The following NAV1 variants were observed in gnomAD, a reference collection of about 807,000 sequenced individuals.
NAV1 encodes the protein pore membrane and/or filament interacting like protein 3.
Under a neutral mutation model 175.2 loss-of-function variants are expected in NAV1, and 18 were observed. That is an observed-to-expected ratio of 0.10 (90% CI 0.07 to 0.15). The LOEUF is 0.15. Ranked by LOEUF, NAV1 falls within the 10% of genes least tolerant of loss-of-function variation. The pLI is 1.00. For synonymous variants in NAV1, 897 were observed against 978.7 expected (o/e 0.92, Z 1.56); for missense variants, 1,731 against 2,436.6 (o/e 0.71, Z 6.10).
chr1:201,742,775 C>A (rs1251282582), intron 3 of NAV1, among the ~76,000 whole-genome samples: 7 of 152,078 alleles, frequency 4.6e-5, no homozygotes, highest in Admixed American at 4.6e-4. Context: ...CTAGGGACAG[C>A]CAAGCCAATG....
At position 201,718,545 on chromosome 1, in the gene NAV1, C is replaced by T. The variant is rs780189061; in HGVS notation, c.1016C>T (p.Ser339Leu). The T allele has an allele frequency of 1.5e-5, 25 of 1,613,008 alleles. No individual in the cohort carries two copies. The highest frequency in any genetic ancestry group is 1.7e-4 in the Middle Eastern group (1 of 6,032). ...CCCTCTGTGGGTGGGAGCTGCCGCT[C>T]GGAGGGGACGCCCGCCTGGTACATG... Residue 339 changes from serine to leucine, a missense_variant, in exon 3 of 30, where the codon TCG (serine) becomes TTG (leucine). By Grantham distance (145) the Ser-to-Leu change is moderately radical. Transcript: ENST00000367296. The surrounding 1 kb of genome is among the most constrained non-coding windows in gnomAD (Gnocchi z 4.8).
chr1:201,771,603 A>G (rs1191438737), intron 3 of NAV1, among the ~76,000 whole-genome samples: 1 of 152,100 alleles, frequency 6.6e-6, no homozygotes, highest in African/African-American at 2.4e-5. Flanking sequence ...CTAGCAGCCT[A>G]ACAGCGGAAG....
chr1:201,798,637 T>G (rs554801200), intron 15 of NAV1: 3 of 146,098 alleles, frequency 2.1e-5, no homozygotes, highest in African/African-American at 7.5e-5. Context: ...AAGAAATCAT[T>G]CCAATTTGAA....
intron 1 of NAV1, among the ~76,000 whole-genome samples, chr1:201,663,610 T>C (rs900403594): frequency 4.6e-5 from 7 of 152,200 alleles, no homozygotes; most frequent in African/African-American, 1.4e-4. Flanking sequence ...TCTGCCTCAG[T>C]GGCCTGTTAT....
intron 3 of NAV1, among the ~76,000 whole-genome samples, chr1:201,755,170 C>T (rs1231348633): frequency 6.6e-6 from 1 of 152,218 alleles, no homozygotes; most frequent in Non-Finnish European, 1.5e-5. Flanking sequence ...AACAAATACT[C>T]TCTTATCTCT....
rs1354143991 is a variant in NAV1, at chr1:201,812,751, G to A, written c.5221+90G>A. 2 of 1,223,880 alleles carry A rather than the reference G, an allele frequency of 1.6e-6. No individual in the cohort carries two copies. Among genetic ancestry groups the A allele is most frequent in the Non-Finnish European group, 2.3e-6 (2 of 853,024 alleles). 75.8% of individuals were successfully genotyped at this position (1,223,880 alleles called of 1,614,324 possible). A position where few individuals can be genotyped will look rare whatever the true frequency, so the allele number is the denominator to read the frequency against. On this transcript the variant is annotated intron_variant, in intron 27 of 29. Coordinates refer to ENST00000367296, the Ensembl canonical transcript of NAV1. The surrounding 1 kb of genome is among the most constrained non-coding windows in gnomAD (Gnocchi z 4.6). ...AGGGATGCTCCCTTCTCTTCCTGGA[G>A]TCTTCGGCATGTAAAGGAGCTGCAA...
At chr1:201,730,829 T>C (rs1672825801) in intron 3 of NAV1, among the ~76,000 whole-genome samples, 1 of 152,190 alleles carries the variant, frequency 6.6e-6, no homozygotes, top group Non-Finnish European at 1.5e-5. Flanking sequence ...GGGCCAGCTC[T>C]GGCCTCTGGG....
At chr1:201,598,258 C>T (rs1005791088) in intron 2 of NAV1, among the ~76,000 whole-genome samples, 1 of 152,092 alleles carries the variant, frequency 6.6e-6, no homozygotes, top group Non-Finnish European at 1.5e-5. Context: ...CTTGAAACCT[C>T]GTGGTGTGTG....
At chr1:201,703,529 C>T (rs1671534455) in intron 1 of NAV1, among the ~76,000 whole-genome samples, 2 of 146,328 alleles carry the variant, frequency 1.4e-5, no homozygotes, top group Non-Finnish European at 2.9e-5. Context: ...GGCTCGAGGC[C>T]AGGCACCCTC....
Position 201,728,628 on chromosome 1 carries a change from A to G in NAV1, c.1226+9873A>G, listed in dbSNP as rs183549478. The stretch of plus-strand genomic sequence containing the variant: ...AAAAAAAAAAAAAGAAAAGAAAAGA[A>G]AAAAAAGACATCTGTAGAGACAGAG... On this transcript the variant is annotated intron_variant, in intron 3 of 29. Coordinates refer to ENST00000367296, the Ensembl canonical transcript of NAV1. 4.4e-3 allele frequency among the ~76,000 whole-genome samples: 673 copies of G among 151,812 alleles called. 6 individuals carry two copies. Among genetic ancestry groups the G allele is most frequent in the Non-Finnish European group, 3.0e-3 (201 of 67,904 alleles).
intron 15 of NAV1, among the ~76,000 whole-genome samples, chr1:201,802,246 A>T (rs1244956717): frequency 2.1e-5 from 3 of 139,654 alleles, no homozygotes; most frequent in African/African-American, 7.8e-5. Flanking sequence ...CGGAGGTTGC[A>T]GTGAGCCAAG....
At chr1:201,544,837 C>T (rs907004420) in intron 1 of NAV1, among the ~76,000 whole-genome samples, 1 of 152,200 alleles carries the variant, frequency 6.6e-6, no homozygotes, top group Admixed American at 6.5e-5. Flanking sequence ...AGCAGCCCCA[C>T]TTCCTTCAGA....
chr1:201,752,790 G>T (rs1674203889), intron 3 of NAV1, among the ~76,000 whole-genome samples: 1 of 152,174 alleles, frequency 6.6e-6, no homozygotes, highest in Non-Finnish European at 1.5e-5. Flanking sequence ...CAGAATATTT[G>T]TCTGCCAATT....
At chr1:201,623,052 C>G (rs1050845450) in exon 1 of NAV1, 8 of 985,850 alleles carry the variant, frequency 8.1e-6, no homozygotes, top group Middle Eastern at 5.2e-4. Flanking sequence ...CAGCCTCCCC[C>G]AGACTGGGAA....
intron 7 of NAV1, 59 bp downstream of exon 11, chr1:201,783,911 A>G (rs1439707048): frequency 2.0e-6 from 3 of 1,474,552 alleles, no homozygotes; most frequent in Admixed American, 2.0e-5. Context: ...TCATTTTGCC[A>G]TTGGCAATAC....
chr1:201,741,275 G>A (rs969809657), intron 3 of NAV1, among the ~76,000 whole-genome samples: 2 of 152,142 alleles, frequency 1.3e-5, no homozygotes, highest in Non-Finnish European at 2.9e-5. Context: ...CCAGAGGCCC[G>A]CTGACTCCAA....
In NAV1 at chr1:201,810,762, G is replaced by T. The variant is rs1371060099; in HGVS notation, c.4797+4G>T. On this transcript the variant is annotated splice_donor_region_variant and intron_variant, in intron 24 of 29. Transcript: ENST00000367296. The surrounding 1 kb of genome is among the most constrained non-coding windows in gnomAD (Gnocchi z 6.0). ...CATGCACCAGCAGTCTTGCAAGGTGGCTGCCCCCCGACACCCCTGCCAGCC... is the reference window on the plus strand; with the variant it reads ...CATGCACCAGCAGTCTTGCAAGGTGTCTGCCCCCCGACACCCCTGCCAGCC... 1 of 1,610,032 alleles carries T rather than the reference G, an allele frequency of 6.2e-7. No homozygotes were observed. Among genetic ancestry groups the T allele is most frequent in the Admixed American group, 1.7e-5 (1 of 59,866 alleles).
intron 2 of NAV1, among the ~76,000 whole-genome samples, chr1:201,641,846 C>T (rs1668761115): frequency 6.6e-6 from 1 of 152,126 alleles, no homozygotes; most frequent in Non-Finnish European, 1.5e-5. Flanking sequence ...TGGAGGAAGC[C>T]AAGTATGGGC....
chr1:201,763,585 C>T (rs951875904), intron 3 of NAV1, among the ~76,000 whole-genome samples: 3 of 152,176 alleles, frequency 2.0e-5, no homozygotes, highest in Admixed American at 6.5e-5. Flanking sequence ...TTGTGGCCAG[C>T]CGAGTCAGCA....
Sources: allele counts gnomAD v4.1 joint callset (sites outside exome capture counted in the v4.1 genomes callset), GRCh38; gene constraint gnomAD v4.1.1; non-coding constraint Gnocchi (gnomAD v3.1); transcripts MANE v1.5; gene names NCBI Gene and HGNC (gene_info 2026-07-23, HGNC 2026-07-21).